The following ZNF676 variants were observed in gnomAD, a reference collection of about 807,000 sequenced individuals.
ZNF676 encodes zinc finger protein 676.
A neutral mutation model predicts 6.0 loss-of-function variants in ZNF676; 4 were observed. That is an observed-to-expected ratio of 0.67 (90% confidence interval 0.33 to 1.53). The LOEUF is 1.53. Ranked by LOEUF, ZNF676 falls within the 40% of genes most tolerant of loss-of-function variation. The pLI is 0.06. For missense variants in ZNF676, 644 were observed against 679.7 expected (o/e 0.95, Z 0.58); for synonymous variants, 198 against 223.1 (o/e 0.89, Z 1.00).
the ZNF676 span, among the ~76,000 whole-genome samples, chr19:22,255,101 A>G: frequency 6.6e-6 from 1 of 152,162 alleles, no homozygotes; most frequent in Non-Finnish European, 1.5e-5. Flanking sequence ...TGTGTATTAA[A>G]TCCTCAATCC....
At chr19:22,212,199 C>CA (rs34421901) in intron 1 of ZNF676, among the ~76,000 whole-genome samples, 12,250 of 119,020 alleles carry the variant, frequency 0.1, 1,790 homozygotes, top group African/African-American at 0.34. Context: ...GATTCTGTCT[C>CA]AAAAAAAAAA....
the ZNF676 span, among the ~76,000 whole-genome samples, chr19:22,235,193 T>A: frequency 6.6e-6 from 1 of 151,960 alleles, no homozygotes; most frequent in Non-Finnish European, 1.5e-5. Context: ...TCTGCTGTGA[T>A]TCACCTGAGA....
At chr19:22,193,201 A>C in intron 1 of ZNF676, 90 bp from the exon 2 acceptor site, 1 of 1,312,926 alleles carries the variant, frequency 7.6e-7, no homozygotes, top group South Asian at 2.1e-5. Flanking sequence ...ATGTAATAGA[A>C]TATTCTAATA....
In ZNF676 at chr19:22,179,599, C is replaced by T; in HGVS notation, c.*351G>A. The T allele has an allele frequency of 2.1e-6, 1 of 476,442 alleles. No homozygotes were observed. The highest frequency in any genetic ancestry group is 4.0e-6 in the Non-Finnish European group (1 of 252,604). 29.5% of individuals were successfully genotyped at this position (476,442 alleles called of 1,614,324 possible). A position where few individuals can be genotyped will look rare whatever the true frequency, so the allele number is the denominator to read the frequency against. On this transcript the variant is annotated 3_prime_UTR_variant, in exon 3 of 3. Coordinates refer to ENST00000397121, the MANE Select transcript of ZNF676 (RefSeq NM_001001411.3). ...GTTGAGAACTAATGAAAAGCTTTGC[C>T]ACGTTTTTCACATTTGTAGGGCTTT...
At chr19:22,183,185 A>G (rs1169255955) in intron 2 of ZNF676, among the ~76,000 whole-genome samples, 3 of 152,200 alleles carry the variant, frequency 2.0e-5, no homozygotes, top group South Asian at 4.1e-4. Flanking sequence ...AAAACCAGAA[A>G]GAAACAAAGG....
the ZNF676 span, among the ~76,000 whole-genome samples, chr19:22,228,534 G>A: frequency 6.6e-6 from 1 of 152,110 alleles, no homozygotes; most frequent in South Asian, 2.1e-4. Flanking sequence ...GAAATAATGA[G>A]TATTCAAATA....
the ZNF676 span, among the ~76,000 whole-genome samples, chr19:22,250,862 C>T: frequency 1.3e-5 from 2 of 152,122 alleles, no homozygotes; most frequent in Admixed American, 6.6e-5. Context: ...CAGGTGCATG[C>T]CACGACACCC....
upstream of ZNF676, among the ~76,000 whole-genome samples, chr19:22,197,816 A>G (rs1437849759): frequency 1.3e-5 from 2 of 152,196 alleles, no homozygotes; most frequent in Non-Finnish European, 2.9e-5. Context: ...ATTAACATCA[A>G]TTACACTAGA....
the ZNF676 span, among the ~76,000 whole-genome samples, chr19:22,247,122 G>C: frequency 6.6e-6 from 1 of 152,160 alleles, no homozygotes; most frequent in African/African-American, 2.4e-5. Flanking sequence ...GGTAACTAGT[G>C]GGGTATATTC....
chr19:22,187,628 C>A (rs1240922727), intron 2 of ZNF676, among the ~76,000 whole-genome samples: 1 of 149,484 alleles, frequency 6.7e-6, no homozygotes, highest in African/African-American at 2.5e-5. Flanking sequence ...GCTAGCCAGT[C>A]TAAAAAGGAA....
the ZNF676 span, among the ~76,000 whole-genome samples, chr19:22,256,703 AG>A: frequency 6.6e-6 from 1 of 152,154 alleles, no homozygotes; most frequent in African/African-American, 2.4e-5. Context: ...CAGGCAAAAT[AG>A]GAGTGTCACC....
the ZNF676 span, among the ~76,000 whole-genome samples, chr19:22,249,667 C>T: frequency 0.018 from 2,782 of 152,198 alleles, 86 homozygotes; most frequent in African/African-American, 0.064. Flanking sequence ...CAGCCTTGGC[C>T]TCCCAAAGTG....
At chr19:22,182,819 A>G (rs2023779335) in intron 2 of ZNF676, among the ~76,000 whole-genome samples, 1 of 152,034 alleles carries the variant, frequency 6.6e-6, no homozygotes. Flanking sequence ...ATAAAAATAC[A>G]TTATTTTCTA....
the ZNF676 span, among the ~76,000 whole-genome samples, chr19:22,249,347 T>C: frequency 6.6e-6 from 1 of 152,076 alleles, no homozygotes; most frequent in East Asian, 1.9e-4. Context: ...ATTAAGCTTG[T>C]AAAAAAAATT....
chr19:22,215,491 C>G, intron 1 of ZNF676: 2 of 969,842 alleles, frequency 2.1e-6, no homozygotes, highest in Middle Eastern at 2.3e-4. Context: ...CATCTTATGG[C>G]TGAAGGGGAC....
chr19:22,208,664 G>T (rs1461987479), intron 1 of ZNF676, among the ~76,000 whole-genome samples: 1 of 152,204 alleles, frequency 6.6e-6, no homozygotes, highest in Non-Finnish European at 1.5e-5. Context: ...AATACGGTAT[G>T]GTTGGGCATG....
chr19:22,221,474 G>A, the ZNF676 span, among the ~76,000 whole-genome samples: 1 of 152,082 alleles, frequency 6.6e-6, no homozygotes. Context: ...TTCAGGGGCT[G>A]GGCATGGTGG....
the ZNF676 span, among the ~76,000 whole-genome samples, chr19:22,250,866 G>A: frequency 2.2e-4 from 34 of 152,198 alleles, no homozygotes; most frequent in African/African-American, 7.9e-4. Context: ...TGCATGCCAC[G>A]ACACCCAGCT....
the ZNF676 span, among the ~76,000 whole-genome samples, chr19:22,258,339 G>A: frequency 1.3e-5 from 2 of 152,100 alleles, no homozygotes; most frequent in East Asian, 1.9e-4. Flanking sequence ...CATCTTCTTC[G>A]TGCTGGGTTC....
Sources: gnomAD v4.1 joint callset for allele counts (sites outside exome capture counted in the v4.1 genomes callset) on GRCh38, gnomAD v4.1.1 for gene constraint, MANE v1.5 for transcripts, NCBI Gene and HGNC (gene_info 2026-07-23, HGNC 2026-07-21) for gene names.